Variants in PDE1C observed in about 807,000 individuals in gnomAD.
The protein encoded by PDE1C is phosphodiesterase 1C, also known as dual specificity calcium/calmodulin-dependent 3',5'-cyclic nucleotide phosphodiesterase 1C.
Under a neutral mutation model 93.1 loss-of-function variants are expected in PDE1C, and 62 were observed. The ratio of observed to expected loss-of-function variants is 0.67; its 90% CI spans 0.54 to 0.82. PDE1C has a LOEUF of 0.82. Among genes scored for constraint, PDE1C ranks in the 40% least tolerant of loss-of-function variants. PDE1C has a pLI of 0.00. For missense variants in PDE1C, 742 were observed against 884.6 expected, an observed-to-expected ratio of 0.84 and a Z score of 2.04; for synonymous variants, 325 against 310.1, an observed-to-expected ratio of 1.05 and a Z score of -0.50.
intron 2 of PDE1C, among the ~76,000 whole-genome samples, chr7:32,023,495 C>G (rs921832623): frequency 3.3e-5 from 5 of 151,988 alleles, no homozygotes; most frequent in African/African-American, 1.2e-4. Flanking sequence ...TCATAGCAGC[C>G]TTATTAACAG....
chr7:31,995,923 A>G (rs922140026), intron 2 of PDE1C, among the ~76,000 whole-genome samples: 4 of 152,164 alleles, frequency 2.6e-5, no homozygotes, highest in Admixed American at 1.3e-4. Flanking sequence ...TTTAGAGAGT[A>G]GAACGACCCT....
intron 2 of PDE1C, among the ~76,000 whole-genome samples, chr7:31,932,083 C>T (rs997127438): frequency 6.6e-6 from 1 of 152,168 alleles, no homozygotes; most frequent in Non-Finnish European, 1.5e-5. Context: ...GGATTAAAGA[C>T]TAAAATGTAA....
chr7:32,366,586 A>G (rs76902761), intron 1 of PDE1C, among the ~76,000 whole-genome samples: 2,848 of 152,258 alleles, frequency 0.019, 36 homozygotes, highest in South Asian at 0.03. Context: ...CCTCAAATAG[A>G]TTGAACCCAA....
At chr7:32,238,381 G>A (rs908022188) in intron 1 of PDE1C, among the ~76,000 whole-genome samples, 7 of 152,176 alleles carry the variant, frequency 4.6e-5, no homozygotes, top group Non-Finnish European at 7.4e-5. Context: ...TGAATAGGAA[G>A]ACAACAGCAT....
chr7:31,857,216 A>G (rs537052118), intron 7 of PDE1C, among the ~76,000 whole-genome samples: 1 of 152,322 alleles, frequency 6.6e-6, no homozygotes, highest in Non-Finnish European at 1.5e-5. Flanking sequence ...ATTTCTATGA[A>G]TTAGAGATTT....
intron 3 of PDE1C, among the ~76,000 whole-genome samples, chr7:32,115,015 G>A (rs1284748139): frequency 6.6e-6 from 1 of 152,148 alleles, no homozygotes; most frequent in Non-Finnish European, 1.5e-5. Context: ...CACTATTGGT[G>A]GGAATGTAAA....
intron 2 of PDE1C, among the ~76,000 whole-genome samples, chr7:32,014,945 G>A (rs1584460364): frequency 1.3e-5 from 2 of 152,034 alleles, no homozygotes; most frequent in African/African-American, 4.8e-5. Flanking sequence ...ACGTGTCAAG[G>A]GAGAGACCAG....
chr7:32,031,077 C>A (rs1021156875), intron 2 of PDE1C, among the ~76,000 whole-genome samples: 1 of 152,162 alleles, frequency 6.6e-6, no homozygotes, highest in African/African-American at 2.4e-5. Context: ...GTGAGCTTCC[C>A]TTCTCCACTA....
chr7:31,988,276 C>T (rs1016426943), intron 2 of PDE1C, among the ~76,000 whole-genome samples: 2 of 152,226 alleles, frequency 1.3e-5, no homozygotes, highest in African/African-American at 4.8e-5. Flanking sequence ...CAGTAAAGAG[C>T]ACCTTCATCA....
the PDE1C span, chr7:31,697,039 C>A: frequency 5.6e-6 from 9 of 1,614,016 alleles, no homozygotes; most frequent in Admixed American, 1.5e-4. Flanking sequence ...GATCCCTGTT[C>A]TTCATAACAC....
intron 3 of PDE1C, among the ~76,000 whole-genome samples, chr7:32,138,112 T>C (rs897574991): frequency 2.0e-5 from 3 of 152,170 alleles, no homozygotes; most frequent in African/African-American, 7.2e-5. Context: ...AGGGATAATA[T>C]AAGTAGCAAT....
chr7:32,068,008 G>C (rs906417326), intron 1 of PDE1C, among the ~76,000 whole-genome samples: 4 of 152,108 alleles, frequency 2.6e-5, no homozygotes. Context: ...AAGGAGATGC[G>C]ATAACATTGA....
At chr7:31,982,660 A>G (rs1258808979) in intron 2 of PDE1C, among the ~76,000 whole-genome samples, 6 of 152,200 alleles carry the variant, frequency 3.9e-5, no homozygotes, top group Non-Finnish European at 8.8e-5. Flanking sequence ...TAAAACGCAA[A>G]AAGTGCCTAA....
intron 11 of PDE1C, among the ~76,000 whole-genome samples, chr7:31,836,699 T>G (rs934810804): frequency 2.0e-5 from 3 of 152,166 alleles, no homozygotes; most frequent in African/African-American, 7.2e-5. Context: ...TAAATACAAC[T>G]GGAATGGCAG....
intron 16 of PDE1C, among the ~76,000 whole-genome samples, chr7:31,790,915 T>C (rs1264622898): frequency 6.6e-6 from 1 of 152,146 alleles, no homozygotes; most frequent in Non-Finnish European, 1.5e-5. Context: ...TTAGGCAGAA[T>C]TTAAAACAAC....
At chr7:31,775,855 G>C (rs767553252) in intron 16 of PDE1C, 123 bp from the exon 17 acceptor site, 8 of 799,642 alleles carry the variant, frequency 1.0e-5, no homozygotes, top group African/African-American at 1.7e-5. Context: ...AGCAGGTTAG[G>C]TGAGGTTGCA....
At chr7:32,016,784 A>AT (rs893090226) in intron 2 of PDE1C, among the ~76,000 whole-genome samples, 15 of 152,202 alleles carry the variant, frequency 9.9e-5, no homozygotes, top group Non-Finnish European at 1.9e-4. Flanking sequence ...TTATTATAAC[A>AT]TTTTTTGTAC....
chr7:32,088,451 C>T (rs901823897), intron 3 of PDE1C, among the ~76,000 whole-genome samples: 2 of 152,260 alleles, frequency 1.3e-5, no homozygotes, highest in African/African-American at 4.8e-5. Context: ...CCTCGCTTGG[C>T]AACCGCAAGT....
At chr7:32,138,644 G>A (rs1800340170) in intron 3 of PDE1C, among the ~76,000 whole-genome samples, 1 of 151,990 alleles carries the variant, frequency 6.6e-6, no homozygotes, top group Admixed American at 6.6e-5. Context: ...TGAGGTTTGT[G>A]GGCATTAATG....
Sources: allele counts gnomAD v4.1 joint callset (sites outside exome capture counted in the v4.1 genomes callset), GRCh38; gene constraint gnomAD v4.1.1; transcripts MANE v1.5; gene names NCBI Gene and HGNC (gene_info 2026-07-23, HGNC 2026-07-21).